KATNAL2: variants seen among roughly 807,000 people sequenced by gnomAD.
The protein encoded by KATNAL2 is katanin p60 ATPase-containing subunit A-like 2.
A neutral mutation model predicts 76.3 loss-of-function variants in KATNAL2; 52 were observed. The ratio of observed to expected loss-of-function variants is 0.68; its 90% CI spans 0.55 to 0.86. KATNAL2 has a LOEUF of 0.86. Ranked by LOEUF, KATNAL2 falls within the 40% of genes least tolerant of loss-of-function variation. KATNAL2 has a pLI of 0.00. For synonymous variants in KATNAL2, 243 were observed against 244.2 expected (o/e 1.00, Z 0.05); for missense variants, 660 against 668.9 (o/e 0.99, Z 0.15).
intron 15 of KATNAL2, among the ~76,000 whole-genome samples, chr18:47,084,131 G>A (rs1277789931): frequency 2.0e-5 from 3 of 152,212 alleles, no homozygotes; most frequent in African/African-American, 4.8e-5. Flanking sequence ...GCTCACTTGT[G>A]TCATCGCCTG....
At chr18:47,060,696 C>G (rs1329934492) in intron 8 of KATNAL2, among the ~76,000 whole-genome samples, 1 of 152,186 alleles carries the variant, frequency 6.6e-6, no homozygotes, top group East Asian at 1.9e-4. Flanking sequence ...AAACTGAACT[C>G]TGTGTGTGTG....
chr18:47,080,010 C>T (rs1290421922), intron 15 of KATNAL2, among the ~76,000 whole-genome samples: 1 of 152,162 alleles, frequency 6.6e-6, no homozygotes, highest in Admixed American at 6.5e-5. Flanking sequence ...CATTGATGAC[C>T]TCTGCCTGAA....
chr18:47,078,722 C>A (rs768508331), intron 15 of KATNAL2, among the ~76,000 whole-genome samples: 4 of 152,090 alleles, frequency 2.6e-5, no homozygotes. Flanking sequence ...GACCTTCTAC[C>A]CCCAGTGAAT....
At chr18:47,083,107 T>C (rs1194330422) in intron 15 of KATNAL2, among the ~76,000 whole-genome samples, 1 of 152,218 alleles carries the variant, frequency 6.6e-6, no homozygotes, top group Non-Finnish European at 1.5e-5. Context: ...TTTCCTTGCA[T>C]AAAAATCTTT....
chr18:47,054,627 T>C, intron 6 of KATNAL2, 189 bp downstream of exon 6: 3 of 651,368 alleles, frequency 4.6e-6, no homozygotes, highest in Non-Finnish European at 5.6e-6. Flanking sequence ...CCGTCTACTC[T>C]CCTGGTTTTA....
At chr18:46,941,655 G>A in intron 1 of KATNAL2, among the ~76,000 whole-genome samples, 1 of 151,992 alleles carries the variant, frequency 6.6e-6, no homozygotes. Context: ...TGGGACTATA[G>A]GTGTGTAAAT....
At chr18:46,953,566 G>T (rs1384074781) in intron 3 of KATNAL2, among the ~76,000 whole-genome samples, 1 of 152,088 alleles carries the variant, frequency 6.6e-6, no homozygotes, top group Non-Finnish European at 1.5e-5. Flanking sequence ...GACCAGCGTG[G>T]GCAACATAGT....
chr18:47,065,320 G>A (rs1436164378), intron 10 of KATNAL2, among the ~76,000 whole-genome samples: 4 of 152,080 alleles, frequency 2.6e-5, no homozygotes, highest in Non-Finnish European at 2.9e-5. Context: ...CATTAGCCAG[G>A]AGTTGGAGAC....
rs777076029 is a variant in KATNAL2 at position 47,063,285 on chromosome 18, A to G, written c.650A>G (p.Glu217Gly). The change falls in exon 10 of 18, where the codon GAA becomes GGA. Residue 217 changes from glutamate to glycine, a missense_variant and splice_region_variant. Coordinates refer to ENST00000683218, the MANE Select transcript of KATNAL2 (RefSeq NM_001387690.1). ...GAGCCTTTCCGCTCCTCTCATCAGG[A>G]ACGACTGCTGAAACCTCTGAGTGCA... ...NTFDHNPDPS[E>G]RLLKPLSAFI... 1.2e-6 allele frequency: 2 copies of G among 1,613,276 alleles called. No homozygotes were observed. The highest frequency in any genetic ancestry group is 1.7e-5 in the Admixed American group (1 of 59,868).
At chr18:47,089,149 A>G (rs977243071) in intron 15 of KATNAL2, among the ~76,000 whole-genome samples, 1 of 152,174 alleles carries the variant, frequency 6.6e-6, no homozygotes, top group Admixed American at 6.5e-5. Flanking sequence ...TAACCAAGAG[A>G]CAAACACCCC....
chr18:47,097,118 C>CAAAAAAAAA lies in KATNAL2; in HGVS notation c.1212-2111_1212-2103dup, dbSNP rs58101085. On this transcript the variant is annotated intron_variant, in intron 15 of 17. Coordinates refer to ENST00000683218, the MANE Select transcript of KATNAL2 (RefSeq NM_001387690.1). ...TGGGCAACAGAGGAAGACCCTGGCT[C>CAAAAAAAAA]AAAAAAAAAAAAAAAAAAAAAATCC... is the stretch of plus-strand genomic sequence containing the variant. Among the ~76,000 whole-genome samples, 439 of 70,774 alleles carry CAAAAAAAAA rather than the reference C, an allele frequency of 6.2e-3. 8 individuals carry two copies. Among genetic ancestry groups the CAAAAAAAAA allele is most frequent in the East Asian group, 0.021 (59 of 2,846 alleles). 46.4% of individuals were successfully genotyped at this position (70,774 alleles called of 152,430 possible).
intron 3 of KATNAL2, among the ~76,000 whole-genome samples, chr18:47,043,550 G>C (rs923354614): frequency 1.3e-5 from 2 of 152,110 alleles, no homozygotes; most frequent in African/African-American, 2.4e-5. Flanking sequence ...GACCAGAAGA[G>C]AAAGATTCAG....
chr18:47,049,160 C>T (rs962664069), intron 4 of KATNAL2, among the ~76,000 whole-genome samples: 1 of 152,198 alleles, frequency 6.6e-6, no homozygotes, highest in Middle Eastern at 3.2e-3. Flanking sequence ...CTTCCCTTTG[C>T]TAATCTGTGA....
chr18:46,922,719 C>G (rs2058606780), intron 1 of KATNAL2, among the ~76,000 whole-genome samples: 1 of 151,732 alleles, frequency 6.6e-6, no homozygotes, highest in South Asian at 2.1e-4. Flanking sequence ...ATCGCTTGAA[C>G]CCAGGAGGCA....
intron 3 of KATNAL2, chr18:47,035,129 C>A: frequency 6.2e-7 from 1 of 1,611,696 alleles, no homozygotes; most frequent in African/African-American, 1.3e-5. Flanking sequence ...ATTCCAGTCT[C>A]CGCCAGGATG....
intron 7 of KATNAL2, among the ~76,000 whole-genome samples, chr18:47,059,097 C>G (rs2061554444): frequency 6.6e-6 from 1 of 152,202 alleles, no homozygotes; most frequent in Non-Finnish European, 1.5e-5. Context: ...ATTCTCTCCC[C>G]CTCAAGGAGG....
At chr18:46,925,390 A>T (rs1037883805) in intron 1 of KATNAL2, among the ~76,000 whole-genome samples, 3 of 151,242 alleles carry the variant, frequency 2.0e-5, no homozygotes, top group Non-Finnish European at 4.4e-5. Flanking sequence ...ACATTCATTG[A>T]TTTGCATATG....
intron 1 of KATNAL2, among the ~76,000 whole-genome samples, chr18:46,936,250 A>C (rs1004680768): frequency 1.8e-4 from 27 of 152,164 alleles, no homozygotes; most frequent in African/African-American, 6.0e-4. Context: ...AATGTTCACA[A>C]ATGCATTATT....
At chr18:47,025,289 C>T (rs1396985286) in intron 3 of KATNAL2, among the ~76,000 whole-genome samples, 48 of 125,986 alleles carry the variant, frequency 3.8e-4, no homozygotes, top group African/African-American at 1.3e-3. Flanking sequence ...TTGCTCCCAC[C>T]GGTTGTTTAA....
Sources: allele counts gnomAD v4.1 joint callset (sites outside exome capture counted in the v4.1 genomes callset), GRCh38; gene constraint gnomAD v4.1.1; transcripts MANE v1.5; gene names NCBI Gene and HGNC (gene_info 2026-07-23, HGNC 2026-07-21).